Variants in ERBB4 observed in about 807,000 individuals in gnomAD.
The protein encoded by ERBB4 is receptor tyrosine-protein kinase erbB-4.
A neutral mutation model predicts 158.0 loss-of-function variants in ERBB4; 42 were observed. The ratio of observed to expected loss-of-function variants is 0.27; its 90% CI spans 0.21 to 0.34. ERBB4 has a LOEUF of 0.34. Among genes scored for constraint, ERBB4 ranks in the 10% least tolerant of loss-of-function variants. The pLI, the probability that ERBB4 is intolerant of heterozygous loss-of-function variation, is 1.00. For missense variants in ERBB4, 1,333 were observed against 1,624.1 expected (o/e 0.82, Z 3.08); for synonymous variants, 583 against 558.7 (o/e 1.04, Z -0.61).
chr2:211,651,135 G>A (rs2070966665), intron 16 of ERBB4, among the ~76,000 whole-genome samples: 1 of 152,136 alleles, frequency 6.6e-6, no homozygotes, highest in Admixed American at 6.5e-5. Context: ...TGGACACTGA[G>A]ACCTTACCTT....
intron 2 of ERBB4, among the ~76,000 whole-genome samples, chr2:212,074,391 T>C (rs2078214649): frequency 1.3e-5 from 2 of 151,972 alleles, no homozygotes; most frequent in African/African-American, 4.8e-5. Flanking sequence ...TTATAACTCA[T>C]GAAAGAATAA....
At chr2:212,316,785 A>G (rs2087303175) in intron 1 of ERBB4, among the ~76,000 whole-genome samples, 1 of 151,536 alleles carries the variant, frequency 6.6e-6, no homozygotes, top group Non-Finnish European at 1.5e-5. Flanking sequence ...CTATGTGTAT[A>G]CACTAAAAAC....
rs1029989708 is a variant in ERBB4 at position 212,337,280 on chromosome 2, C to T, written c.82+201169G>A. Among the ~76,000 whole-genome samples the T allele has an allele frequency of 3.9e-5, 6 of 152,010 alleles. No individual in the cohort carries two copies. In the South Asian group the frequency reaches 6.2e-4, roughly 16 times the overall value. ...CTTTCATACAATAGGATTTAGCAAA[C>T]GAATTAGCTGTGTTCTTGATCTATA... On this transcript the variant is annotated intron_variant, in intron 1 of 27. Coordinates refer to ENST00000342788, the MANE Select transcript of ERBB4 (RefSeq NM_005235.3).
chr2:212,400,345 G>T (rs1386628612), intron 1 of ERBB4, among the ~76,000 whole-genome samples: 1 of 152,138 alleles, frequency 6.6e-6, no homozygotes, highest in Non-Finnish European at 1.5e-5. Flanking sequence ...TAGCTGACCT[G>T]GGGAGACATT....
intron 13 of ERBB4, among the ~76,000 whole-genome samples, chr2:211,676,149 A>G (rs2072062547): frequency 6.6e-6 from 1 of 152,172 alleles, no homozygotes; most frequent in South Asian, 2.1e-4. Flanking sequence ...AGGCTATCAT[A>G]ACCATCAGCC....
intron 2 of ERBB4, among the ~76,000 whole-genome samples, chr2:212,061,737 CT>C (rs71054164): frequency 0.02 from 2,626 of 133,984 alleles, 28 homozygotes; most frequent in African/African-American, 0.039. Flanking sequence ...TTTTTCTTTT[CT>C]TTTTTTTTTT....
chr2:211,719,421 G>A (rs1410057161), intron 7 of ERBB4, among the ~76,000 whole-genome samples: 1 of 141,562 alleles, frequency 7.1e-6, no homozygotes, highest in African/African-American at 2.6e-5. Context: ...GTCAGAGGTT[G>A]TACCTGGCAT....
chr2:212,460,892 G>A (rs1007407444), intron 1 of ERBB4, among the ~76,000 whole-genome samples: 1 of 152,180 alleles, frequency 6.6e-6, no homozygotes, highest in African/African-American at 2.4e-5. Flanking sequence ...GCTATCACAG[G>A]CCCAGAGGCC....
intron 2 of ERBB4, among the ~76,000 whole-genome samples, chr2:212,043,608 T>C (rs918471863): frequency 4.6e-5 from 7 of 152,158 alleles, no homozygotes; most frequent in Admixed American, 2.6e-4. Flanking sequence ...GATCTTATAT[T>C]GATTTTCATT....
At chr2:211,820,079 T>C (rs993968488) in intron 3 of ERBB4, among the ~76,000 whole-genome samples, 2 of 151,870 alleles carry the variant, frequency 1.3e-5, no homozygotes, top group African/African-American at 4.8e-5. Context: ...TTAACCATTA[T>C]TCTAATGGTT....
chr2:211,955,837 CT>C (rs1559181175), intron 2 of ERBB4, among the ~76,000 whole-genome samples: 1 of 152,136 alleles, frequency 6.6e-6, no homozygotes, highest in African/African-American at 2.4e-5. Context: ...GATCTGAGTG[CT>C]GCCCAATTCA....
chr2:212,443,741 T>C (rs1417182699), intron 1 of ERBB4, among the ~76,000 whole-genome samples: 3 of 152,182 alleles, frequency 2.0e-5, no homozygotes, highest in Non-Finnish European at 2.9e-5. Context: ...AGGGATGCTG[T>C]ATGAAGCCTT....
intron 19 of ERBB4, among the ~76,000 whole-genome samples, chr2:211,573,226 C>T (rs1306202889): frequency 1.3e-5 from 2 of 152,100 alleles, no homozygotes; most frequent in Admixed American, 6.6e-5. Context: ...CATCTGTAGC[C>T]ACCCGCAGCT....
At chr2:211,948,159 G>A (rs1035083368) in intron 2 of ERBB4, among the ~76,000 whole-genome samples, 4 of 151,982 alleles carry the variant, frequency 2.6e-5, no homozygotes, top group South Asian at 2.1e-4. Flanking sequence ...TGTTGTGGCC[G>A]GGCATGGTGG....
chr2:211,836,668 C>T (rs1196431435), intron 3 of ERBB4, among the ~76,000 whole-genome samples: 1 of 151,982 alleles, frequency 6.6e-6, no homozygotes, highest in Non-Finnish European at 1.5e-5. Context: ...ATTCAACTTC[C>T]CAAACACCAG....
At chr2:212,234,855 T>C (rs548762394) in intron 1 of ERBB4, among the ~76,000 whole-genome samples, 51 of 152,340 alleles carry the variant, frequency 3.3e-4, no homozygotes, top group Admixed American at 2.9e-3. Flanking sequence ...TTGTTTTTCT[T>C]TGTAGATTCT....
intron 5 of ERBB4, among the ~76,000 whole-genome samples, chr2:211,741,938 G>A (rs2074814797): frequency 6.6e-6 from 1 of 152,152 alleles, no homozygotes; most frequent in African/African-American, 2.4e-5. Context: ...GGCACTTTTT[G>A]AAATGGTCAG....
At chr2:211,480,533 G>A (rs986703653) in intron 20 of ERBB4, among the ~76,000 whole-genome samples, 3 of 152,008 alleles carry the variant, frequency 2.0e-5, no homozygotes, top group South Asian at 2.1e-4. Context: ...TAAGTTTCCC[G>A]AGTCCTCCCC....
At chr2:212,337,782 T>C (rs558209849) in intron 1 of ERBB4, among the ~76,000 whole-genome samples, 2 of 152,122 alleles carry the variant, frequency 1.3e-5, no homozygotes, top group South Asian at 4.1e-4. Context: ...TCCATCTTTG[T>C]AACTGAGTTT....
Sources: allele counts gnomAD v4.1 joint callset (sites outside exome capture counted in the v4.1 genomes callset), GRCh38; gene constraint gnomAD v4.1.1; transcripts MANE v1.5; gene names NCBI Gene and HGNC (gene_info 2026-07-23, HGNC 2026-07-21).